KCTD1: variants seen among roughly 807,000 people sequenced by gnomAD.
KCTD1 encodes the protein BTB/POZ domain-containing protein KCTD1.
In KCTD1, 24 loss-of-function variants were observed where a neutral mutation model predicts 66.0. The observed-to-expected ratio is 0.36, with a 90% confidence interval of 0.26 to 0.51. The LOEUF is 0.51. KCTD1 is among the 20% of genes least tolerant of loss of function. KCTD1 has a pLI of 0.95. For missense variants in KCTD1, 943 were observed against 1,205.2 expected (o/e 0.78, Z 3.22); for synonymous variants, 511 against 517.2 (o/e 0.99, Z 0.16).
intron 1 of KCTD1, among the ~76,000 whole-genome samples, chr18:26,628,436 ATCT>A (rs763872163): frequency 6.6e-6 from 1 of 152,208 alleles, no homozygotes; most frequent in African/African-American, 2.4e-5. Flanking sequence ...GTGGAAATAA[ATCT>A]TCTTACGGGC....
At chr18:26,501,643 T>A (rs1243428304) in intron 1 of KCTD1, among the ~76,000 whole-genome samples, 1 of 152,202 alleles carries the variant, frequency 6.6e-6, no homozygotes, top group Non-Finnish European at 1.5e-5. Context: ...TGCGTATGAG[T>A]TAGCCCTCTC....
chr18:26,560,344 T>A (rs1052256632), intron 1 of KCTD1, among the ~76,000 whole-genome samples: 11 of 152,146 alleles, frequency 7.2e-5, no homozygotes, highest in Non-Finnish European at 1.3e-4. Context: ...AAGAGCCCCT[T>A]GTACACTCTG....
chr18:26,568,576 TA>T (rs926310773), intron 1 of KCTD1, among the ~76,000 whole-genome samples: 12 of 147,950 alleles, frequency 8.1e-5, no homozygotes, highest in South Asian at 2.1e-4. Context: ...TCCTACAACA[TA>T]AAAAAAAAAT....
intron 3 of KCTD1, among the ~76,000 whole-genome samples, chr18:26,467,728 T>A (rs192906712): frequency 3.4e-3 from 501 of 149,426 alleles, no homozygotes; most frequent in African/African-American, 0.012. Flanking sequence ...GACAGGAGAA[T>A]CACTTGAACC....
chr18:26,480,776 A>T (rs1981604695), intron 2 of KCTD1, among the ~76,000 whole-genome samples: 1 of 152,140 alleles, frequency 6.6e-6, no homozygotes, highest in South Asian at 2.1e-4. Context: ...TAAAAAAAAA[A>T]AATTAGCACT....
rs369041553 is a variant in KCTD1, at chr18:26,470,745, G to A, written c.2133+5770C>T. Reference sequence around the variant, plus strand: ...TGATAGATGCACTGCGTGTGACCACGGAGAGTCAGGGGTACAGGTGAGCCT... The same window carrying A: ...TGATAGATGCACTGCGTGTGACCACAGAGAGTCAGGGGTACAGGTGAGCCT... On this transcript the variant is annotated intron_variant, in intron 3 of 4. Transcript: ENST00000580059. Among the ~76,000 whole-genome samples the A allele has an allele frequency of 3.3e-5, 5 of 152,366 alleles. No individual in the cohort carries two copies. In the East Asian group the frequency reaches 7.7e-4, roughly 23 times the overall value.
rs1307452087 is a variant in KCTD1 at position 26,548,347 on chromosome 18, C to T, written c.190G>A (p.Asp64Asn). Residue 64 changes from aspartate to asparagine, a missense_variant, in exon 1 of 5, where the codon GAC becomes AAC. Transcript: ENST00000580059. ...GTTATCTGCACCTCCTGGATCTCGTCCTCCTCCTCCTCTTCCTCCTCCTCC... is the reference window on the plus strand; with the variant it reads ...GTTATCTGCACCTCCTGGATCTCGTTCTCCTCCTCCTCTTCCTCCTCCTCC... The part of the protein sequence containing the change: ...GEEEEEEEEE[D>N]EIQEVQITGD... 1.4e-6 allele frequency: 2 copies of T among 1,474,340 alleles called. No individual in the cohort carries two copies. The highest frequency in any genetic ancestry group is 9.0e-7 in the Non-Finnish European group (1 of 1,111,876). The allele number at this position is 1,474,340 out of a possible 1,614,324, so 91.3% of individuals were successfully genotyped here.
At chr18:26,652,522 C>CAA (rs149080749) in intron 1 of KCTD1, among the ~76,000 whole-genome samples, 5,549 of 152,230 alleles carry the variant, frequency 0.036, 351 homozygotes, top group African/African-American at 0.13. Context: ...TATTTTAATA[C>CAA]AATTAATTTG....
Position 26,455,582 on chromosome 18 carries a change from C to T in KCTD1, c.*161G>A. The stretch of plus-strand genomic sequence containing the variant: ...GAGGATATCACTATTCCAATTGTTC[C>T]CATATGAATACAGGTGTGGTCTCTA... On this transcript the variant is annotated 3_prime_UTR_variant, in exon 5 of 5. Transcript: ENST00000580059. 1.5e-6 allele frequency: 1 copy of T among 654,166 alleles called. No homozygotes were observed. The highest frequency in any genetic ancestry group is 2.6e-6 in the Non-Finnish European group (1 of 390,918). The allele number at this position is 654,166 out of a possible 1,614,324, so 40.5% of individuals were successfully genotyped here.
chr18:26,551,863 A>G (rs2008151), upstream of KCTD1, among the ~76,000 whole-genome samples: 80,288 of 152,068 alleles, frequency 0.53, 21,474 homozygotes, highest in East Asian at 0.86. Flanking sequence ...GGCAGCATCC[A>G]ATTCCTCTAC....
chr18:26,493,126 A>G (rs932595586), intron 2 of KCTD1, among the ~76,000 whole-genome samples: 4 of 152,166 alleles, frequency 2.6e-5, no homozygotes, highest in African/African-American at 9.7e-5. Context: ...GTCTATGATG[A>G]GACTGAGTTT....
chr18:26,585,734 C>A (rs1188087778), intron 1 of KCTD1, among the ~76,000 whole-genome samples: 1 of 152,132 alleles, frequency 6.6e-6, no homozygotes, highest in Non-Finnish European at 1.5e-5. Context: ...TTAAAAAAGA[C>A]AAAATTGGCA....
intron 1 of KCTD1, among the ~76,000 whole-genome samples, chr18:26,586,063 C>T (rs1986464725): frequency 6.6e-6 from 1 of 152,242 alleles, no homozygotes; most frequent in Admixed American, 6.5e-5. Context: ...CAAGCAGTCT[C>T]TTCAATACAA....
At chr18:26,638,193 A>T (rs1987763294) in intron 1 of KCTD1, among the ~76,000 whole-genome samples, 1 of 152,224 alleles carries the variant, frequency 6.6e-6, no homozygotes. Flanking sequence ...TCTTTCATTT[A>T]TCCAGAAACT....
intron 1 of KCTD1, among the ~76,000 whole-genome samples, chr18:26,586,411 A>C (rs1471418511): frequency 6.6e-5 from 10 of 152,332 alleles, no homozygotes; most frequent in African/African-American, 2.2e-4. Context: ...GCTGTTCCTC[A>C]GTCTCCCTCC....
rs1245401499 is a variant in KCTD1, at chr18:26,599,883, A to G, written c.-16+29264T>C. ...ACAGCCTGCTGTTTGTTCAGATCAC[A>G]GGCAAAAAGCAAAACTTTGAAGTGG... On this transcript the variant is annotated intron_variant, in intron 1 of 4. Transcript: ENST00000317932. 7 of 1,552,246 alleles carry G rather than the reference A, an allele frequency of 4.5e-6. No individual in the cohort carries two copies. The African/African-American group carries it at 6.8e-5, about 15-fold the overall frequency.
intron 1 of KCTD1, among the ~76,000 whole-genome samples, chr18:26,508,404 A>C (rs1567973119): frequency 6.6e-6 from 1 of 152,224 alleles, no homozygotes; most frequent in Non-Finnish European, 1.5e-5. Flanking sequence ...TGTGCTGTTC[A>C]AACAGGAGCC....
intron 1 of KCTD1, among the ~76,000 whole-genome samples, chr18:26,514,549 C>CAAAAAA (rs200444964): frequency 2.3e-4 from 28 of 121,776 alleles, no homozygotes; most frequent in Non-Finnish European, 2.5e-4. Flanking sequence ...GACCTTGTCT[C>CAAAAAA]AAAAAAAAAA....
intron 1 of KCTD1, among the ~76,000 whole-genome samples, chr18:26,511,450 C>T (rs376137602): frequency 2.6e-5 from 4 of 152,204 alleles, no homozygotes; most frequent in African/African-American, 9.6e-5. Flanking sequence ...ATGATCAAAG[C>T]TATCCAAGTA....
Sources: allele counts gnomAD v4.1 joint callset (sites outside exome capture counted in the v4.1 genomes callset), GRCh38; gene constraint gnomAD v4.1.1; transcripts MANE v1.5; gene names NCBI Gene and HGNC (gene_info 2026-07-23, HGNC 2026-07-21).